The following RFT1 variants were observed in gnomAD, a reference collection of about 807,000 sequenced individuals.
RFT1 encodes the protein man(5)GlcNAc(2)-PP-dolichol translocation protein RFT1.
RFT1 carries 43 observed loss-of-function variants against 62.2 expected under a neutral mutation model. The ratio of observed to expected loss-of-function variants is 0.69; its 90% CI spans 0.54 to 0.89. The LOEUF is 0.89. RFT1 is among the 40% of genes least tolerant of loss of function. The pLI is 0.00. For missense variants in RFT1, 605 were observed against 649.9 expected (o/e 0.93, Z 0.75); for synonymous variants, 262 against 264.6 (o/e 0.99, Z 0.10).
At chr3:53,096,726 A>G (rs534033776) in intron 11 of RFT1, among the ~76,000 whole-genome samples, 33 of 152,222 alleles carry the variant, frequency 2.2e-4, no homozygotes, top group African/African-American at 5.1e-4. Flanking sequence ...TTAATATTTC[A>G]TATACAACCA....
At chr3:53,108,352 T>C (rs981814377) in intron 7 of RFT1, among the ~76,000 whole-genome samples, 1 of 150,366 alleles carries the variant, frequency 6.7e-6, no homozygotes, top group Admixed American at 6.6e-5. Context: ...GTGCCTGGCC[T>C]CAAACACAGC....
At chr3:53,126,073 T>C (rs1305763204) in intron 1 of RFT1, 79 bp from the exon 2 acceptor site, 1 of 1,164,814 alleles carries the variant, frequency 8.6e-7, no homozygotes, top group African/African-American at 1.5e-5. Context: ...ACAATGTGGC[T>C]GTTCTTCCTA....
At chr3:53,106,693 T>C in intron 8 of RFT1, 126 bp downstream of exon 8, 1 of 798,208 alleles carries the variant, frequency 1.3e-6, no homozygotes, top group East Asian at 2.7e-5. Flanking sequence ...ACCTACAATT[T>C]ACAATCTTCA....
rs1262022650 is a variant in RFT1 at position 53,130,432 on chromosome 3, T to TGCC, written c.-35_-33dup. ...CGCGCCAGGCTCAGACACCAGGAAA[T>TGCC]GCCGCCGCCACTCCGTTTAGTCGCG... is the stretch of plus-strand genomic sequence containing the variant. On this transcript the variant is annotated 5_prime_UTR_variant, in exon 1 of 13. Transcript: ENST00000296292. 6.5e-7 allele frequency: 1 copy of TGCC among 1,549,708 alleles called. No homozygotes were observed. The highest frequency in any genetic ancestry group is 2.0e-5 in the Admixed American group (1 of 51,016).
At chr3:53,100,673 G>A (rs1165082919) in intron 10 of RFT1, among the ~76,000 whole-genome samples, 1 of 152,132 alleles carries the variant, frequency 6.6e-6, no homozygotes, top group African/African-American at 2.4e-5. Context: ...ATGCAAGAGC[G>A]CACATGCTGC....
chr3:53,114,069 T>G (rs981470142), intron 6 of RFT1, among the ~76,000 whole-genome samples: 1 of 152,048 alleles, frequency 6.6e-6, no homozygotes, highest in African/African-American at 2.4e-5. Context: ...CCATCTCCTT[T>G]CCCCGGAACA....
the RFT1 span, among the ~76,000 whole-genome samples, chr3:53,079,627 G>T: frequency 1.3e-5 from 2 of 152,256 alleles, no homozygotes; most frequent in South Asian, 2.1e-4. Flanking sequence ...CCAGCTACTT[G>T]AGAGGCTGAG....
At position 53,109,983 on chromosome 3, in the gene RFT1, G is replaced by C. The variant is rs555901316; in HGVS notation, c.775+1847C>G. 1.4e-3 allele frequency among the ~76,000 whole-genome samples: 206 copies of C among 152,252 alleles called. 1 individual carries two copies. The highest frequency in any genetic ancestry group is 2.4e-3 in the Non-Finnish European group (163 of 68,014). ...GTTCCTAATGGCACTCTGCCAGTCA[G>C]GGAGTCAGGCTAGGGGGATCCAACC... is the stretch of plus-strand genomic sequence containing the variant. On this transcript the variant is annotated intron_variant, in intron 7 of 12. Coordinates refer to ENST00000296292, the MANE Select transcript of RFT1 (RefSeq NM_052859.4).
intron 11 of RFT1, among the ~76,000 whole-genome samples, chr3:53,093,997 G>A (rs1038510153): frequency 1.3e-5 from 2 of 152,036 alleles, no homozygotes; most frequent in African/African-American, 2.4e-5. Flanking sequence ...CTGGGCAACC[G>A]AGCAACACCC....
chr3:53,123,753 CCA>C lies in RFT1; in HGVS notation c.235_236del (p.Trp79GlufsTer30). 2 of 1,614,140 alleles carry C rather than the reference CCA, an allele frequency of 1.2e-6. No homozygotes were observed. The highest frequency in any genetic ancestry group is 1.7e-6 in the Non-Finnish European group (2 of 1,179,956). ...ACLSGGTQRD[W>X]SQTLNLLWLT... ...GCCACAGCAGGTTGAGGGTCTGGCT[CCA>C]GTCTCGCTGGGTGCCCCCACTGAGA... On this transcript the variant is annotated frameshift_variant, in exon 3 of 13. Coordinates refer to ENST00000296292, the MANE Select transcript of RFT1 (RefSeq NM_052859.4). LOFTEE classifies it high-confidence loss of function.
rs1243352219 is a variant in RFT1, at chr3:53,103,945, G to A, written c.1102+8C>T. On this transcript the variant is annotated splice_region_variant and intron_variant, in intron 10 of 12. Coordinates refer to ENST00000296292, the MANE Select transcript of RFT1 (RefSeq NM_052859.4). ...TCAGAAAAAATCCAGAAAAACTCTT[G>A]TGCGTACCGGATCCTGAGCTAAGCA... 3 of 1,614,148 alleles carry A rather than the reference G, an allele frequency of 1.9e-6. No individual in the cohort carries two copies. The South Asian group carries it at 3.3e-5, about 18-fold the overall frequency.
At chr3:53,094,184 G>C (rs1021748127) in intron 11 of RFT1, among the ~76,000 whole-genome samples, 31 of 152,140 alleles carry the variant, frequency 2.0e-4, no homozygotes, top group African/African-American at 7.0e-4. Flanking sequence ...AAGAGTTTGA[G>C]ACCAGCCTGG....
At chr3:53,125,241 C>G (rs115610833) in intron 2 of RFT1, among the ~76,000 whole-genome samples, 87 of 152,308 alleles carry the variant, frequency 5.7e-4, no homozygotes, top group African/African-American at 2.0e-3. Context: ...TCTTATTTAT[C>G]AGGACATGAA....
chr3:53,068,910 A>G, the RFT1 span, among the ~76,000 whole-genome samples: 2 of 152,180 alleles, frequency 1.3e-5, no homozygotes, highest in Admixed American at 1.3e-4. Flanking sequence ...CTTTATTATA[A>G]AACAGGCTTT....
the RFT1 span, among the ~76,000 whole-genome samples, chr3:53,068,915 G>A: frequency 1.3e-5 from 2 of 152,130 alleles, no homozygotes; most frequent in African/African-American, 4.8e-5. Context: ...TTATAAAACA[G>A]GCTTTGTGTT....
the RFT1 span, among the ~76,000 whole-genome samples, chr3:53,072,705 G>A: frequency 3.9e-5 from 6 of 152,226 alleles, no homozygotes; most frequent in African/African-American, 9.6e-5. Context: ...ACTTTCGGAC[G>A]CATCGCAGCC....
At chr3:53,073,541 A>C in the RFT1 span, among the ~76,000 whole-genome samples, 1 of 152,220 alleles carries the variant, frequency 6.6e-6, no homozygotes, top group South Asian at 2.1e-4. Flanking sequence ...AGGCTGGACC[A>C]AGGGTCAGTG....
rs769114057 is a variant in RFT1 at position 53,099,495 on chromosome 3, A to C, written c.1103-9T>G. ...ACGCAGCAAAACAGGACCTACAAGG[A>C]AACAACTCACTGAGACTCCAGAGCC... On this transcript the variant is annotated splice_polypyrimidine_tract_variant and intron_variant, in intron 10 of 12. Transcript: ENST00000296292. 6.2e-7 allele frequency: 1 copy of C among 1,611,712 alleles called. No homozygotes were observed. The highest frequency in any genetic ancestry group is 8.5e-7 in the Non-Finnish European group (1 of 1,178,078).
rs754687107 is a variant in RFT1 at position 53,105,813 on chromosome 3, A to C, written c.827-10T>G. 7.5e-6 allele frequency: 12 copies of C among 1,610,214 alleles called. No individual in the cohort carries two copies. In the South Asian group the frequency reaches 1.1e-4, roughly 15 times the overall value. The stretch of plus-strand genomic sequence containing the variant: ...ACTATATCATACACACCTACAAAAC[A>C]AAAAAGAAGAAACAACAATCATGTT... On this transcript the variant is annotated splice_polypyrimidine_tract_variant and intron_variant, in intron 8 of 12. Coordinates refer to ENST00000296292, the MANE Select transcript of RFT1 (RefSeq NM_052859.4).
Sources: allele counts gnomAD v4.1 joint callset (sites outside exome capture counted in the v4.1 genomes callset), GRCh38; gene constraint gnomAD v4.1.1; transcripts MANE v1.5; gene names NCBI Gene and HGNC (gene_info 2026-07-23, HGNC 2026-07-21).